The following VTI1A variants were observed in gnomAD, a reference collection of about 807,000 sequenced individuals.
VTI1A encodes the protein vesicle transport through interaction with t-SNAREs 1A.
In VTI1A, 22 loss-of-function variants were observed where a neutral mutation model predicts 34.9. That is an observed-to-expected ratio of 0.63 (90% confidence interval 0.45 to 0.90). VTI1A has a LOEUF of 0.90. VTI1A is among the 40% of genes least tolerant of loss of function. The pLI is 0.00. For missense variants in VTI1A, 268 were observed against 275.6 expected, an observed-to-expected ratio of 0.97 and a Z score of 0.20; for synonymous variants, 87 against 97.3, an observed-to-expected ratio of 0.89 and a Z score of 0.62.
chr10:112,517,545 A>G (rs551750153), intron 3 of VTI1A, among the ~76,000 whole-genome samples: 6 of 152,180 alleles, frequency 3.9e-5, no homozygotes, highest in Non-Finnish European at 7.4e-5. Context: ...TGAAAAGAGG[A>G]AAAGGGTAAC....
At chr10:112,745,442 T>C (rs1320995056) in intron 7 of VTI1A, among the ~76,000 whole-genome samples, 1 of 152,138 alleles carries the variant, frequency 6.6e-6, no homozygotes, top group Non-Finnish European at 1.5e-5. Flanking sequence ...GTACCTCCAG[T>C]GTCGAGTGCT....
At chr10:112,774,689 T>G (rs753786009) in intron 7 of VTI1A, among the ~76,000 whole-genome samples, 19 of 152,108 alleles carry the variant, frequency 1.2e-4, no homozygotes, top group Non-Finnish European at 2.4e-4. Flanking sequence ...TGTACAATAT[T>G]AGGAGATAAT....
At position 112,669,033 on chromosome 10, in the gene VTI1A, T is replaced by C. The variant is rs112048945; in HGVS notation, c.560+35T>C. The C allele has an allele frequency of 5.4e-5, 86 of 1,605,820 alleles. 1 individual carries two copies. The African/African-American group carries it at 7.4e-4, about 14-fold the overall frequency. On this transcript the variant is annotated intron_variant, in intron 7 of 7. Transcript: ENST00000393077. ...AGGTAGGGACATATCTTTCTCTCTGTGTGTTTTTTTAAAATACTATGTTTT... is the reference window on the plus strand; with the variant it reads ...AGGTAGGGACATATCTTTCTCTCTGCGTGTTTTTTTAAAATACTATGTTTT...
intron 3 of VTI1A, among the ~76,000 whole-genome samples, chr10:112,522,498 G>T (rs1850063279): frequency 6.6e-6 from 1 of 152,092 alleles, no homozygotes; most frequent in Non-Finnish European, 1.5e-5. Flanking sequence ...GCGGATTGCT[G>T]ATTAGTAATT....
At chr10:112,517,746 A>G (rs1421173733) in intron 3 of VTI1A, among the ~76,000 whole-genome samples, 1 of 152,070 alleles carries the variant, frequency 6.6e-6, no homozygotes. Context: ...GCAAATCCTA[A>G]TTGAGGCACA....
At chr10:112,546,178 CACAT>C (rs764134188) in intron 5 of VTI1A, among the ~76,000 whole-genome samples, 6 of 150,156 alleles carry the variant, frequency 4.0e-5, no homozygotes, top group African/African-American at 1.5e-4. Flanking sequence ...TACACACACA[CACAT>C]ACGCACACAC....
At chr10:112,651,938 A>G (rs1847040545) in intron 5 of VTI1A, among the ~76,000 whole-genome samples, 1 of 152,254 alleles carries the variant, frequency 6.6e-6, no homozygotes, top group Non-Finnish European at 1.5e-5. Flanking sequence ...TCAGCCAGAA[A>G]TAGAAAGGAG....
At chr10:112,785,453 A>C (rs896638430) in intron 7 of VTI1A, among the ~76,000 whole-genome samples, 1 of 152,066 alleles carries the variant, frequency 6.6e-6, no homozygotes, top group African/African-American at 2.4e-5. Flanking sequence ...TCCCCACTCT[A>C]TGGCTTGTCT....
chr10:112,823,066 A>G (rs1458776847), downstream of VTI1A, among the ~76,000 whole-genome samples: 1 of 152,172 alleles, frequency 6.6e-6, no homozygotes, highest in Admixed American at 6.5e-5. Flanking sequence ...GCCCCCTGAG[A>G]TGAATGCACC....
chr10:112,679,018 G>A (rs1270684192), intron 7 of VTI1A, among the ~76,000 whole-genome samples: 1 of 152,070 alleles, frequency 6.6e-6, no homozygotes, highest in East Asian at 1.9e-4. Context: ...TTATTATGCG[G>A]CAATTGATAA....
At chr10:112,573,410 G>GA (rs968178430) in intron 5 of VTI1A, among the ~76,000 whole-genome samples, 40 of 149,548 alleles carry the variant, frequency 2.7e-4, no homozygotes, top group African/African-American at 7.1e-4. Flanking sequence ...TGTTTATTAG[G>GA]AAAAAAAAAC....
chr10:112,630,689 G>GA (rs1447974770), intron 5 of VTI1A, among the ~76,000 whole-genome samples: 1 of 152,192 alleles, frequency 6.6e-6, no homozygotes, highest in African/African-American at 2.4e-5. Flanking sequence ...CTAATGGAGA[G>GA]AAAACCACTA....
chr10:112,562,725 G>A (rs1851770644), intron 5 of VTI1A, among the ~76,000 whole-genome samples: 1 of 152,014 alleles, frequency 6.6e-6, no homozygotes, highest in Admixed American at 6.6e-5. Flanking sequence ...GGGAAAAGGT[G>A]GAATTTGAAA....
At chr10:112,491,403 C>G (rs898495909) in intron 3 of VTI1A, among the ~76,000 whole-genome samples, 4 of 152,152 alleles carry the variant, frequency 2.6e-5, no homozygotes, top group African/African-American at 7.2e-5. Flanking sequence ...GTTTCCTTAT[C>G]TGTAAGATGA....
intron 7 of VTI1A, among the ~76,000 whole-genome samples, chr10:112,673,326 A>G (rs1847916061): frequency 6.6e-6 from 1 of 151,924 alleles, no homozygotes; most frequent in South Asian, 2.1e-4. Context: ...AAAAAAAAAA[A>G]AAAAAGAAAA....
At chr10:112,521,159 C>T (rs1351420437) in intron 3 of VTI1A, among the ~76,000 whole-genome samples, 1 of 152,028 alleles carries the variant, frequency 6.6e-6, no homozygotes, top group Admixed American at 6.6e-5. Flanking sequence ...TGAGCAAGAG[C>T]AAGCCATACT....
chr10:112,814,386 G>A (rs2134094441), intron 7 of VTI1A, among the ~76,000 whole-genome samples: 1 of 152,336 alleles, frequency 6.6e-6, no homozygotes, highest in Non-Finnish European at 1.5e-5. Flanking sequence ...AGCTCTGTGA[G>A]AGCGAGCGTG....
At chr10:112,577,220 G>A (rs2134386046) in intron 5 of VTI1A, among the ~76,000 whole-genome samples, 2 of 152,202 alleles carry the variant, frequency 1.3e-5, no homozygotes, top group Middle Eastern at 6.8e-3. Context: ...ATCTAAACCT[G>A]ATTACCTGTA....
intron 7 of VTI1A, among the ~76,000 whole-genome samples, chr10:112,739,197 T>C (rs1850603331): frequency 6.6e-6 from 1 of 152,212 alleles, no homozygotes; most frequent in African/African-American, 2.4e-5. Flanking sequence ...TCAACTTCAC[T>C]TCCTCCCGCC....
Sources: allele counts gnomAD v4.1 joint callset (sites outside exome capture counted in the v4.1 genomes callset), GRCh38; gene constraint gnomAD v4.1.1; transcripts MANE v1.5; gene names NCBI Gene and HGNC (gene_info 2026-07-23, HGNC 2026-07-21).